STXBP4: variants seen among roughly 807,000 people sequenced by gnomAD.
The protein encoded by STXBP4 is syntaxin binding protein 4, also known as syntaxin-binding protein 4.
A neutral mutation model predicts 76.1 loss-of-function variants in STXBP4; 55 were observed. The ratio of observed to expected loss-of-function variants is 0.72; its 90% CI spans 0.58 to 0.91. The LOEUF (loss-of-function observed/expected upper bound fraction) is 0.91. Among genes scored for constraint, STXBP4 ranks in the 40% least tolerant of loss-of-function variants. The probability of loss-of-function intolerance (pLI) is 0.00; values close to 1 mark genes in which losing one functional copy is unlikely to be tolerated. For synonymous variants in STXBP4, 201 were observed against 220.2 expected (o/e 0.91, Z 0.77); for missense variants, 618 against 636.9 (o/e 0.97, Z 0.32).
intron 12 of STXBP4, among the ~76,000 whole-genome samples, chr17:55,051,808 TG>T (rs752370032): frequency 6.6e-6 from 1 of 152,084 alleles, no homozygotes; most frequent in Non-Finnish European, 1.5e-5. Context: ...TTGAATTGGA[TG>T]TATCATTGTG....
chr17:55,078,234 A>G (rs369710533), intron 14 of STXBP4, 40 bp downstream of exon 14: 3 of 1,311,808 alleles, frequency 2.3e-6, no homozygotes, highest in African/African-American at 3.0e-5. Context: ...TTTAAAAAAT[A>G]TATAGGCAAC....
chr17:54,977,476 G>A (rs1050718321), intron 1 of STXBP4, among the ~76,000 whole-genome samples: 1 of 152,168 alleles, frequency 6.6e-6, no homozygotes, highest in African/African-American at 2.4e-5. Flanking sequence ...GAGAGGATAT[G>A]CATAGGTTAT....
chr17:55,099,504 A>G (rs1236120706), intron 16 of STXBP4, among the ~76,000 whole-genome samples: 2 of 152,230 alleles, frequency 1.3e-5, no homozygotes, highest in South Asian at 2.1e-4. Flanking sequence ...ACTGTATGCA[A>G]TTATAACATA....
chr17:55,115,072 A>C (rs2079765807), intron 16 of STXBP4, among the ~76,000 whole-genome samples: 1 of 151,956 alleles, frequency 6.6e-6, no homozygotes, highest in African/African-American at 2.4e-5. Flanking sequence ...TTTATTGATA[A>C]GGTGCCGATA....
chr17:54,975,961 A>G (rs1432425394), intron 1 of STXBP4, among the ~76,000 whole-genome samples: 1 of 152,170 alleles, frequency 6.6e-6, no homozygotes, highest in Admixed American at 6.5e-5. Context: ...CACATTTGCT[A>G]TCACCTTTCA....
rs61454264 is a variant in STXBP4, at chr17:55,023,916, C to CAA, written c.667-7229_667-7228dup. On this transcript the variant is annotated intron_variant, in intron 8 of 17. Coordinates refer to ENST00000376352, the MANE Select transcript of STXBP4 (RefSeq NM_178509.6). ...TCTGCAAGGGCTGGTGGCCCTTTTC[C>CAA]AAAAAAAAAAAAAAAAAAAAAAAAG... Among the ~76,000 whole-genome samples, 421 of 62,172 alleles carry CAA rather than the reference C, an allele frequency of 6.8e-3. 3 individuals are homozygous for CAA. Among genetic ancestry groups the CAA allele is most frequent in the African/African-American group, 0.019 (273 of 14,480 alleles). 40.8% of individuals were successfully genotyped at this position (62,172 alleles called of 152,430 possible). A position where few individuals can be genotyped will look rare whatever the true frequency, so the allele number is the denominator to read the frequency against.
At chr17:55,091,830 C>T (rs949282972) in intron 16 of STXBP4, among the ~76,000 whole-genome samples, 3 of 152,054 alleles carry the variant, frequency 2.0e-5, no homozygotes, top group Admixed American at 1.3e-4. Context: ...ATTTGGTTCA[C>T]GCACAGAATT....
intron 17 of STXBP4, among the ~76,000 whole-genome samples, chr17:55,158,935 G>A (rs910367747): frequency 3.3e-5 from 5 of 152,216 alleles, no homozygotes; most frequent in African/African-American, 4.8e-5. Context: ...TCATGGGAAA[G>A]GATTATGGGA....
intron 4 of STXBP4, among the ~76,000 whole-genome samples, chr17:54,996,280 T>C (rs1192566804): frequency 6.7e-6 from 1 of 149,134 alleles, no homozygotes; most frequent in Non-Finnish European, 1.5e-5. Flanking sequence ...TGTGAAAACA[T>C]TGAGGTTCAA....
At chr17:55,057,011 T>C (rs1023996211) in intron 12 of STXBP4, among the ~76,000 whole-genome samples, 1 of 152,162 alleles carries the variant, frequency 6.6e-6, no homozygotes, top group Non-Finnish European at 1.5e-5. Context: ...GAAAAATAGG[T>C]AAAGTCATTA....
intron 1 of STXBP4, among the ~76,000 whole-genome samples, chr17:54,980,316 A>T (rs898401391): frequency 7.9e-5 from 12 of 152,234 alleles, no homozygotes; most frequent in Non-Finnish European, 1.3e-4. Flanking sequence ...CAATAAAAAA[A>T]AATAATACCT....
chr17:55,077,686 C>CATGTGT (rs559419378), intron 13 of STXBP4, among the ~76,000 whole-genome samples: 1 of 134,004 alleles, frequency 7.5e-6, no homozygotes, highest in Non-Finnish European at 1.6e-5. Context: ...TGTCTTACAT[C>CATGTGT]GTGTGTGTGT....
At chr17:55,057,533 G>A (rs2078942483) in intron 12 of STXBP4, among the ~76,000 whole-genome samples, 1 of 151,962 alleles carries the variant, frequency 6.6e-6, no homozygotes, top group Admixed American at 6.6e-5. Context: ...TTCAAATTTG[G>A]TTGTTGTTGT....
intron 16 of STXBP4, among the ~76,000 whole-genome samples, chr17:55,102,231 C>T (rs1402745867): frequency 6.6e-6 from 1 of 151,898 alleles, no homozygotes; most frequent in African/African-American, 2.4e-5. Context: ...CAGCCATCAA[C>T]CCGTTATCTA....
At chr17:55,091,557 A>G (rs2079414947) in intron 16 of STXBP4, among the ~76,000 whole-genome samples, 1 of 152,158 alleles carries the variant, frequency 6.6e-6, no homozygotes, top group African/African-American at 2.4e-5. Context: ...ACACAGGAGC[A>G]TAACACAGTT....
chr17:55,132,252 T>C (rs2079981126), intron 16 of STXBP4, among the ~76,000 whole-genome samples: 1 of 152,174 alleles, frequency 6.6e-6, no homozygotes, highest in Non-Finnish European at 1.5e-5. Flanking sequence ...AGTATAGTGG[T>C]GTGACCTCAG....
chr17:55,199,495 T>C, the STXBP4 span, among the ~76,000 whole-genome samples: 1 of 152,224 alleles, frequency 6.6e-6, no homozygotes, highest in Non-Finnish European at 1.5e-5. Context: ...ACCATCGCCA[T>C]CGTATTTGCC....
At chr17:55,108,096 T>G (rs1395113294) in intron 16 of STXBP4, among the ~76,000 whole-genome samples, 1 of 152,218 alleles carries the variant, frequency 6.6e-6, no homozygotes, top group East Asian at 1.9e-4. Context: ...GGCTGCTGCC[T>G]TTCTTTCAGA....
chr17:55,208,604 A>AGGAAGGAAGGAAGGAAGGAAGGAAGGAG, the STXBP4 span, among the ~76,000 whole-genome samples: 2 of 148,248 alleles, frequency 1.3e-5, no homozygotes, highest in Non-Finnish European at 1.5e-5. Context: ...GAAGGAAGGA[A>AGGAAGGAAGGAAGGAAGGAAGGAAGGAG]GGAAAGAGAG....
Sources: gnomAD v4.1 joint callset for allele counts (sites outside exome capture counted in the v4.1 genomes callset) on GRCh38, gnomAD v4.1.1 for gene constraint, MANE v1.5 for transcripts, NCBI Gene and HGNC (gene_info 2026-07-23, HGNC 2026-07-21) for gene names.